The following PDZRN4 variants were observed in gnomAD, a reference collection of about 807,000 sequenced individuals.
The protein encoded by PDZRN4 is PDZ domain-containing RING finger protein 4.
A neutral mutation model predicts 99.0 loss-of-function variants in PDZRN4; 70 were observed. The ratio of observed to expected loss-of-function variants is 0.71; its 90% CI spans 0.58 to 0.86. The LOEUF (loss-of-function observed/expected upper bound fraction) is 0.86. PDZRN4 is among the 40% of genes least tolerant of loss of function. The probability of loss-of-function intolerance (pLI) is 0.00; values close to 1 mark genes in which losing one functional copy is unlikely to be tolerated. For synonymous variants in PDZRN4, 551 were observed against 501.6 expected (o/e 1.10, Z -1.32); for missense variants, 1,474 against 1,331.2 (o/e 1.11, Z -1.67).
chr12:41,420,815 T>C (rs73276117), intron 3 of PDZRN4, among the ~76,000 whole-genome samples: 2,537 of 152,280 alleles, frequency 0.017, 70 homozygotes, highest in African/African-American at 0.056. Flanking sequence ...GTGTTAGTGA[T>C]CTTCACATCC....
At chr12:41,318,927 G>T (rs1383139680) in intron 3 of PDZRN4, among the ~76,000 whole-genome samples, 1 of 152,078 alleles carries the variant, frequency 6.6e-6, no homozygotes, top group African/African-American at 2.4e-5. Context: ...AGGATTAGAA[G>T]GAAAGATCAT....
intron 3 of PDZRN4, among the ~76,000 whole-genome samples, chr12:41,236,135 G>C (rs1185004318): frequency 6.6e-6 from 1 of 152,090 alleles, no homozygotes; most frequent in African/African-American, 2.4e-5. Flanking sequence ...TTGCAATCTA[G>C]TGAATAAGAA....
chr12:41,334,368 T>C (rs1450433482), intron 3 of PDZRN4, among the ~76,000 whole-genome samples: 1 of 137,214 alleles, frequency 7.3e-6, no homozygotes, highest in Non-Finnish European at 1.5e-5. Flanking sequence ...AAGTATTCAG[T>C]GGGGAACATT....
At chr12:41,392,208 G>A (rs770063537) in intron 3 of PDZRN4, among the ~76,000 whole-genome samples, 2 of 151,948 alleles carry the variant, frequency 1.3e-5, no homozygotes, top group Non-Finnish European at 2.9e-5. Flanking sequence ...ATTCCCCAAT[G>A]GCTTCCACTG....
rs563324193 is a variant in PDZRN4 at position 41,192,042 on chromosome 12, A to G, written c.735+498A>G. Among the ~76,000 whole-genome samples, 107 of 152,196 alleles carry G rather than the reference A, an allele frequency of 7.0e-4. 1 individual carries two copies. Among genetic ancestry groups the G allele is most frequent in the African/African-American group, 2.0e-3 (82 of 41,524 alleles). ...AAGTGATCCACCTCACGGTCTCCCA[A>G]AGTGCTAGGATTACAGGTGTGAGCC... On this transcript the variant is annotated intron_variant, in intron 2 of 9. Transcript: ENST00000402685.
At chr12:41,409,017 T>A (rs1952371534) in intron 3 of PDZRN4, among the ~76,000 whole-genome samples, 1 of 152,188 alleles carries the variant, frequency 6.6e-6, no homozygotes, top group Admixed American at 6.5e-5. Flanking sequence ...CCAAGTGGTA[T>A]CATAGGCAAA....
intron 3 of PDZRN4, among the ~76,000 whole-genome samples, chr12:41,203,273 G>A (rs1950828880): frequency 1.3e-5 from 2 of 152,020 alleles, no homozygotes; most frequent in Non-Finnish European, 2.9e-5. Context: ...ATGAGTGATT[G>A]GCATAGAATC....
At chr12:41,275,585 T>C (rs963839369) in intron 3 of PDZRN4, among the ~76,000 whole-genome samples, 2 of 152,072 alleles carry the variant, frequency 1.3e-5, no homozygotes. Flanking sequence ...CACTGCATGC[T>C]AGGGTCTGTG....
intron 3 of PDZRN4, among the ~76,000 whole-genome samples, chr12:41,476,811 T>G: frequency 6.6e-6 from 1 of 152,344 alleles, no homozygotes; most frequent in East Asian, 1.9e-4. Flanking sequence ...ATTAAGCATC[T>G]GTGGAAGCTG....
intron 4 of PDZRN4, among the ~76,000 whole-genome samples, chr12:41,508,994 A>G (rs1306943168): frequency 6.6e-6 from 1 of 152,160 alleles, no homozygotes; most frequent in East Asian, 1.9e-4. Context: ...CTGTTAAACT[A>G]TGCTTAGTCT....
intron 5 of PDZRN4, among the ~76,000 whole-genome samples, chr12:41,536,761 T>TAAAAAAAA (rs59008796): frequency 7.3e-6 from 1 of 137,364 alleles, no homozygotes; most frequent in African/African-American, 2.7e-5. Flanking sequence ...TATTGAAAAG[T>TAAAAAAAA]AAAAAAAAAA....
chr12:41,213,921 T>C (rs554429717), intron 3 of PDZRN4, among the ~76,000 whole-genome samples: 19 of 152,044 alleles, frequency 1.2e-4, no homozygotes, highest in Admixed American at 1.2e-3. Flanking sequence ...TCCTAATCCC[T>C]AAAATAAGGA....
At chr12:41,216,445 G>A (rs186045940) in intron 3 of PDZRN4, among the ~76,000 whole-genome samples, 180 of 151,966 alleles carry the variant, frequency 1.2e-3, no homozygotes, top group South Asian at 2.1e-3. Context: ...AGAAGCTTGT[G>A]TTTCAAAGAG....
chr12:41,527,512 G>A (rs1379919242), intron 5 of PDZRN4, among the ~76,000 whole-genome samples: 1 of 152,094 alleles, frequency 6.6e-6, no homozygotes, highest in Non-Finnish European at 1.5e-5. Context: ...GACCAGTTGG[G>A]ATATGAAAAT....
At position 41,470,675 on chromosome 12, in the gene PDZRN4, C is replaced by T. The variant is rs375441559; in HGVS notation, c.844-35781C>T. On this transcript the variant is annotated intron_variant, in intron 3 of 9. Transcript: ENST00000402685. ...CCTCCCGCCACCCCACAACCGTCCCCGGTGTGTGATGTTCCCCTTCCTGTG... is the reference window on the plus strand; with the variant it reads ...CCTCCCGCCACCCCACAACCGTCCCTGGTGTGTGATGTTCCCCTTCCTGTG... Among the ~76,000 whole-genome samples, 191 of 152,270 alleles carry T rather than the reference C, an allele frequency of 1.3e-3. 5 individuals carry two copies. In the South Asian group the frequency reaches 0.038, roughly 30 times the overall value.
In PDZRN4 at chr12:41,304,074, A is replaced by G. The variant is rs975255284; in HGVS notation, c.843+109886A>G. Among the ~76,000 whole-genome samples the G allele has an allele frequency of 3.9e-5, 6 of 152,200 alleles. No individual in the cohort carries two copies. The East Asian group carries it at 1.2e-3, about 29-fold the overall frequency. On this transcript the variant is annotated intron_variant, in intron 3 of 9. Coordinates refer to ENST00000402685, the MANE Select transcript of PDZRN4 (RefSeq NM_001164595.2). ...TCAGAAAATCCTTCACAAAACATGA[A>G]AAATTCTGTCTTGAGGGATATATGG... is the stretch of plus-strand genomic sequence containing the variant.
At chr12:41,236,390 ATGGC>A (rs1412058811) in intron 3 of PDZRN4, among the ~76,000 whole-genome samples, 1 of 152,112 alleles carries the variant, frequency 6.6e-6, no homozygotes, top group African/African-American at 2.4e-5. Flanking sequence ...GAAATCTGGC[ATGGC>A]TGGAGCACAG....
At chr12:41,361,724 G>C (rs148815361) in intron 3 of PDZRN4, among the ~76,000 whole-genome samples, 1 of 152,148 alleles carries the variant, frequency 6.6e-6, no homozygotes, top group African/African-American at 2.4e-5. Flanking sequence ...CTTTTAAATA[G>C]AAGGCCCCTT....
intron 5 of PDZRN4, among the ~76,000 whole-genome samples, chr12:41,548,403 A>C (rs898718316): frequency 6.6e-6 from 1 of 152,230 alleles, no homozygotes; most frequent in Non-Finnish European, 1.5e-5. Flanking sequence ...TCAACATTAA[A>C]AAATGTAAGA....
Sources: gnomAD v4.1 joint callset for allele counts (sites outside exome capture counted in the v4.1 genomes callset) on GRCh38, gnomAD v4.1.1 for gene constraint, MANE v1.5 for transcripts, NCBI Gene and HGNC (gene_info 2026-07-23, HGNC 2026-07-21) for gene names.